C1orf21: variants seen among roughly 807,000 people sequenced by gnomAD.
C1orf21 encodes the protein chromosome 1 open reading frame 21, also known as uncharacterized protein C1orf21.
A neutral mutation model predicts 18.7 loss-of-function variants in C1orf21; 3 were observed. That is an observed-to-expected ratio of 0.16 (90% CI 0.07 to 0.42). The LOEUF (loss-of-function observed/expected upper bound fraction) is 0.42, where lower values mean the gene tolerates loss of function less well. C1orf21 is among the 10% of genes least tolerant of loss of function. C1orf21 has a pLI of 0.99. For missense variants in C1orf21, 104 were observed against 143.6 expected (o/e 0.72, Z 1.41); for synonymous variants, 41 against 46.4 (o/e 0.88, Z 0.47).
chr1:184,586,126 T>A (rs2101996949), intron 3 of C1orf21, among the ~76,000 whole-genome samples: 1 of 152,332 alleles, frequency 6.6e-6, no homozygotes, highest in African/African-American at 2.4e-5. Flanking sequence ...CTGTTATTTT[T>A]CGACTTTTTA....
chr1:184,490,687 GA>G (rs1360175695), intron 2 of C1orf21, among the ~76,000 whole-genome samples: 2 of 152,152 alleles, frequency 1.3e-5, no homozygotes, highest in Non-Finnish European at 2.9e-5. Flanking sequence ...GTTAGGTGAA[GA>G]TTTAGAAAAC....
intron 3 of C1orf21, among the ~76,000 whole-genome samples, chr1:184,518,896 A>G (rs555721546): frequency 6.6e-6 from 1 of 152,176 alleles, no homozygotes; most frequent in East Asian, 1.9e-4. Context: ...TTTCATTGGC[A>G]TATGAAATTG....
rs1254781031 is a variant in C1orf21 at position 184,627,538 on chromosome 1, T to A, written c.*7982T>A. The A allele has an allele frequency of 2.0e-5, 3 of 152,220 alleles. No individual in the cohort carries two copies. Among genetic ancestry groups the A allele is most frequent in the South Asian group, 2.1e-4 (1 of 4,826 alleles). The allele number at this position is 152,220 out of a possible 1,614,324, so 9.4% of individuals were successfully genotyped here. ...ACCTTTTTTGCAAAACACCCACCCC[T>A]GCCCTCCTGGCATACTCAACAGCAA... On this transcript the variant is annotated 3_prime_UTR_variant, in exon 6 of 6. Coordinates refer to ENST00000235307, the MANE Select transcript of C1orf21 (RefSeq NM_030806.4).
At chr1:184,467,958 G>C (rs1657428212) in intron 1 of C1orf21, among the ~76,000 whole-genome samples, 1 of 151,664 alleles carries the variant, frequency 6.6e-6, no homozygotes, top group South Asian at 2.1e-4. Flanking sequence ...GGTATTCTCT[G>C]TTGTAGTTTT....
chr1:184,465,062 T>C (rs1186321300), intron 1 of C1orf21, among the ~76,000 whole-genome samples: 5 of 152,192 alleles, frequency 3.3e-5, no homozygotes, highest in Admixed American at 6.5e-5. Flanking sequence ...TGAGCCACCA[T>C]GCCCAGCCAG....
chr1:184,449,117 G>A (rs1657077311), intron 1 of C1orf21, among the ~76,000 whole-genome samples: 1 of 151,980 alleles, frequency 6.6e-6, no homozygotes, highest in Admixed American at 6.6e-5. Context: ...TGTTACATAT[G>A]TATACATGTG....
In C1orf21 at chr1:184,397,402, C is replaced by T. The variant is rs188923298; in HGVS notation, c.-125+10034C>T. Among the ~76,000 whole-genome samples, 203 of 152,172 alleles carry T rather than the reference C, an allele frequency of 1.3e-3. 2 individuals carry two copies. The highest frequency in any genetic ancestry group is 6.8e-3 in the Middle Eastern group (2 of 294). On this transcript the variant is annotated intron_variant, in intron 1 of 5. Coordinates refer to ENST00000235307, the MANE Select transcript of C1orf21 (RefSeq NM_030806.4). Reference sequence around the variant, plus strand: ...GAGATCAAGACCATCCTGGCTAACACGGTGAAACCCCGTCTCTACTAAAAA... The same window carrying T: ...GAGATCAAGACCATCCTGGCTAACATGGTGAAACCCCGTCTCTACTAAAAA...
At chr1:184,499,177 C>T (rs976301566) in intron 2 of C1orf21, among the ~76,000 whole-genome samples, 1 of 152,062 alleles carries the variant, frequency 6.6e-6, no homozygotes, top group Non-Finnish European at 1.5e-5. Context: ...CCCCTTTCTG[C>T]TCCTGTTCAC....
chr1:184,618,383 A>T (rs1251782337), intron 5 of C1orf21, among the ~76,000 whole-genome samples: 1 of 152,210 alleles, frequency 6.6e-6, no homozygotes, highest in African/African-American at 2.4e-5. Flanking sequence ...AGAAACTGAG[A>T]CACAGAGAGG....
chr1:184,521,621 G>A (rs1658307498), intron 3 of C1orf21, among the ~76,000 whole-genome samples: 1 of 152,198 alleles, frequency 6.6e-6, no homozygotes, highest in Non-Finnish European at 1.5e-5. Flanking sequence ...TATAGGTGAA[G>A]CACAGAGGAT....
chr1:184,575,201 C>T (rs1438385902), intron 3 of C1orf21, among the ~76,000 whole-genome samples: 1 of 152,114 alleles, frequency 6.6e-6, no homozygotes, highest in Non-Finnish European at 1.5e-5. Flanking sequence ...ATTTTTAACC[C>T]AAATTCTAGC....
chr1:184,597,770 A>C (rs1659536099), intron 4 of C1orf21, among the ~76,000 whole-genome samples: 1 of 152,202 alleles, frequency 6.6e-6, no homozygotes, highest in Admixed American at 6.5e-5. Flanking sequence ...CTCACTAAGA[A>C]GGCTGTTAAA....
At chr1:184,513,962 G>A (rs541694832) in intron 3 of C1orf21, among the ~76,000 whole-genome samples, 82 of 152,322 alleles carry the variant, frequency 5.4e-4, no homozygotes, top group Non-Finnish European at 1.1e-3. Context: ...GCCCTAGTCA[G>A]TGGTTCCTTG....
At chr1:184,530,600 CTTTTTTTTTTT>C (rs1184327589) in intron 3 of C1orf21, among the ~76,000 whole-genome samples, 3 of 111,466 alleles carry the variant, frequency 2.7e-5, no homozygotes, top group African/African-American at 1.0e-4. Context: ...TTTCTTTTTT[CTTTTTTTTTTT>C]TTTTTTTGAG....
chr1:184,449,476 T>A (rs1657088036), intron 1 of C1orf21, among the ~76,000 whole-genome samples: 1 of 152,178 alleles, frequency 6.6e-6, no homozygotes, highest in South Asian at 2.1e-4. Context: ...TGGTTCCAAG[T>A]CTTTGCTATT....
chr1:184,494,703 G>A (rs1046157473), intron 2 of C1orf21, among the ~76,000 whole-genome samples: 22 of 152,138 alleles, frequency 1.4e-4, no homozygotes, highest in African/African-American at 5.3e-4. Flanking sequence ...GAGTTTTTAT[G>A]TTTTAGAGCA....
chr1:184,428,940 G>A (rs1165875070), intron 1 of C1orf21, among the ~76,000 whole-genome samples: 1 of 152,150 alleles, frequency 6.6e-6, no homozygotes, highest in Non-Finnish European at 1.5e-5. Flanking sequence ...ACTCAGGGCA[G>A]GGGCTGTGGT....
At chr1:184,419,586 T>C (rs969492928) in intron 1 of C1orf21, among the ~76,000 whole-genome samples, 2 of 151,700 alleles carry the variant, frequency 1.3e-5, no homozygotes, top group Non-Finnish European at 2.9e-5. Context: ...CAATAAACAA[T>C]ACACACAGTC....
intron 2 of C1orf21, among the ~76,000 whole-genome samples, chr1:184,504,375 T>G (rs1658021794): frequency 6.6e-6 from 1 of 152,200 alleles, no homozygotes; most frequent in South Asian, 2.1e-4. Context: ...TAACGGTGGC[T>G]GTCTCCATTT....
Sources: gnomAD v4.1 joint callset for allele counts (sites outside exome capture counted in the v4.1 genomes callset) on GRCh38, gnomAD v4.1.1 for gene constraint, MANE v1.5 for transcripts, NCBI Gene and HGNC (gene_info 2026-07-23, HGNC 2026-07-21) for gene names.